The following KCNIP4 variants were observed in gnomAD, a reference collection of about 807,000 sequenced individuals.
KCNIP4 encodes Kv channel-interacting protein 4.
KCNIP4 carries 12 observed loss-of-function variants against 34.0 expected under a neutral mutation model. The ratio of observed to expected loss-of-function variants is 0.35; its 90% CI spans 0.23 to 0.57. The LOEUF (loss-of-function observed/expected upper bound fraction) is 0.57, where lower values mean the gene tolerates loss of function less well. Among genes scored for constraint, KCNIP4 ranks in the 20% least tolerant of loss-of-function variants. KCNIP4 has a pLI of 0.83. For synonymous variants in KCNIP4, 124 were observed against 102.2 expected (o/e 1.21, Z -1.29); for missense variants, 238 against 311.7 (o/e 0.76, Z 1.78).
chr4:21,775,884 T>C (rs113535097), intron 1 of KCNIP4, among the ~76,000 whole-genome samples: 1 of 152,046 alleles, frequency 6.6e-6, no homozygotes, highest in South Asian at 2.1e-4. Flanking sequence ...GCATTTTAGG[T>C]AGTTGTGAGT....
intron 3 of KCNIP4, among the ~76,000 whole-genome samples, chr4:20,796,032 A>G (rs1713412015): frequency 1.3e-5 from 2 of 152,216 alleles, no homozygotes; most frequent in Non-Finnish European, 2.9e-5. Context: ...ATATTGATAT[A>G]ATAATACCAC....
chr4:21,746,029 T>A (rs1420019916), intron 1 of KCNIP4, among the ~76,000 whole-genome samples: 1 of 152,112 alleles, frequency 6.6e-6, no homozygotes. Context: ...GGGTTTGGTT[T>A]CTTCAGAGGC....
intron 1 of KCNIP4, among the ~76,000 whole-genome samples, chr4:21,177,452 C>T (rs963616027): frequency 6.6e-6 from 1 of 152,084 alleles, no homozygotes; most frequent in African/African-American, 2.4e-5. Context: ...TACTTCACAC[C>T]TATCTTCTTC....
intron 3 of KCNIP4, among the ~76,000 whole-genome samples, chr4:20,776,400 G>A (rs1056414181): frequency 1.1e-4 from 16 of 152,020 alleles, no homozygotes; most frequent in African/African-American, 1.9e-4. Context: ...CTCTACTTTC[G>A]GTTTCTTGTT....
chr4:21,040,342 AG>A (rs774854657), intron 1 of KCNIP4, among the ~76,000 whole-genome samples: 1 of 152,208 alleles, frequency 6.6e-6, no homozygotes, highest in African/African-American at 2.4e-5. Context: ...AATGAGAGAC[AG>A]ACTATTTACT....
intron 1 of KCNIP4, among the ~76,000 whole-genome samples, chr4:21,308,516 T>A (rs1712744006): frequency 6.6e-6 from 1 of 152,196 alleles, no homozygotes; most frequent in African/African-American, 2.4e-5. Context: ...CCAGTGGGGC[T>A]GATAGCTGCT....
intron 1 of KCNIP4, among the ~76,000 whole-genome samples, chr4:21,772,622 A>T (rs1718878371): frequency 6.6e-6 from 1 of 152,050 alleles, no homozygotes; most frequent in Non-Finnish European, 1.5e-5. Context: ...CTCTTCAGGG[A>T]TTCAACTGCT....
At chr4:21,707,932 T>TACACACACACAC (rs3050896) in intron 1 of KCNIP4, among the ~76,000 whole-genome samples, 1 of 146,824 alleles carries the variant, frequency 6.8e-6, no homozygotes, top group African/African-American at 2.5e-5. Context: ...AACACACACA[T>TACACACACACAC]ACACACACAC....
At chr4:21,852,123 A>C (rs1724448467) in intron 1 of KCNIP4, 1 of 152,128 alleles carries the variant, frequency 6.6e-6, no homozygotes, top group Non-Finnish European at 1.5e-5. Flanking sequence ...AATTCATTAC[A>C]AACCAATAAG....
chr4:21,638,416 G>T (rs1182696386), intron 1 of KCNIP4, among the ~76,000 whole-genome samples: 1 of 152,006 alleles, frequency 6.6e-6, no homozygotes, highest in Non-Finnish European at 1.5e-5. Context: ...ATTTTTGGGG[G>T]TATCCTTTAG....
At chr4:21,095,324 T>C (rs552574408) in intron 1 of KCNIP4, among the ~76,000 whole-genome samples, 17 of 152,324 alleles carry the variant, frequency 1.1e-4, no homozygotes, top group African/African-American at 3.6e-4. Flanking sequence ...CACTAGCATA[T>C]ATTAAAAGAT....
intron 1 of KCNIP4, among the ~76,000 whole-genome samples, chr4:21,653,261 C>T (rs1747655575): frequency 6.6e-6 from 1 of 152,176 alleles, no homozygotes; most frequent in Admixed American, 6.5e-5. Flanking sequence ...GGTTAAAATT[C>T]CATTTCTACA....
intron 1 of KCNIP4, among the ~76,000 whole-genome samples, chr4:21,860,396 A>G (rs968820943): frequency 1.3e-5 from 2 of 152,172 alleles, no homozygotes; most frequent in Non-Finnish European, 2.9e-5. Flanking sequence ...AGCCTCCCAA[A>G]GTGCTGGGAT....
At chr4:20,900,334 G>A (rs1344087912) in intron 1 of KCNIP4, among the ~76,000 whole-genome samples, 7 of 152,176 alleles carry the variant, frequency 4.6e-5, no homozygotes, top group Admixed American at 4.6e-4. Flanking sequence ...ATGATCAGAA[G>A]TCTGAAAACT....
chr4:21,007,852 C>G (rs1477034944), intron 1 of KCNIP4, among the ~76,000 whole-genome samples: 1 of 152,156 alleles, frequency 6.6e-6, no homozygotes, highest in Non-Finnish European at 1.5e-5. Flanking sequence ...ATAATGACAC[C>G]TGAAGCACAC....
chr4:21,030,766 T>C (rs1249748933), intron 1 of KCNIP4, among the ~76,000 whole-genome samples: 1 of 152,196 alleles, frequency 6.6e-6, no homozygotes, highest in Non-Finnish European at 1.5e-5. Context: ...ATGAAGTGTA[T>C]AGTTCATAAT....
intron 1 of KCNIP4, among the ~76,000 whole-genome samples, chr4:21,101,629 G>T (rs1560788): frequency 0.29 from 44,235 of 151,988 alleles, 7,097 homozygotes; most frequent in African/African-American, 0.44. Context: ...ATGCACATGA[G>T]ATTTCTTTTG....
intron 1 of KCNIP4, among the ~76,000 whole-genome samples, chr4:20,917,983 C>G (rs1447638229): frequency 6.6e-6 from 1 of 152,054 alleles, no homozygotes; most frequent in African/African-American, 2.4e-5. Flanking sequence ...CAGGTAAGAC[C>G]TTTTCATTTG....
intron 3 of KCNIP4, among the ~76,000 whole-genome samples, chr4:20,834,855 G>A (rs903780236): frequency 3.3e-5 from 5 of 152,116 alleles, no homozygotes; most frequent in Non-Finnish European, 5.9e-5. Flanking sequence ...AGAGAGTTGC[G>A]CCATAGAGAA....
Sources: allele counts gnomAD v4.1 joint callset (sites outside exome capture counted in the v4.1 genomes callset), GRCh38; gene constraint gnomAD v4.1.1; transcripts MANE v1.5; gene names NCBI Gene and HGNC (gene_info 2026-07-23, HGNC 2026-07-21).